Variants in HMCN1 observed in about 807,000 individuals in gnomAD.
HMCN1 encodes hemicentin 1, also known as hemicentin-1.
A neutral mutation model predicts 625.9 loss-of-function variants in HMCN1; 321 were observed. The observed-to-expected ratio is 0.51, with a 90% CI of 0.47 to 0.56. HMCN1 has a LOEUF of 0.56. HMCN1 is among the 20% of genes least tolerant of loss of function. The pLI, the probability that HMCN1 is intolerant of heterozygous loss-of-function variation, is 0.00. For synonymous variants in HMCN1, 2,425 were observed against 2,417.6 expected (o/e 1.00, Z -0.09); for missense variants, 6,588 against 6,887.3 (o/e 0.96, Z 1.54).
intron 1 of HMCN1, among the ~76,000 whole-genome samples, chr1:185,758,277 T>C (rs951255999): frequency 3.3e-5 from 5 of 152,306 alleles, no homozygotes; most frequent in South Asian, 2.1e-4. Flanking sequence ...TATTTAACTT[T>C]ATAGTGGATG....
At chr1:185,893,271 C>T (rs1188326708) in intron 4 of HMCN1, among the ~76,000 whole-genome samples, 1 of 152,204 alleles carries the variant, frequency 6.6e-6, no homozygotes, top group Non-Finnish European at 1.5e-5. Context: ...CACCCATCTT[C>T]TGCGTTGCTC....
intron 5 of HMCN1, among the ~76,000 whole-genome samples, chr1:185,910,145 T>C (rs1238694516): frequency 1.3e-5 from 2 of 152,176 alleles, no homozygotes; most frequent in African/African-American, 4.8e-5. Context: ...AAATATTTTT[T>C]ACCTAATATT....
At chr1:185,759,577 A>G (rs530628673) in intron 1 of HMCN1, among the ~76,000 whole-genome samples, 2 of 152,328 alleles carry the variant, frequency 1.3e-5, no homozygotes, top group East Asian at 3.9e-4. Context: ...CTTATTGCAA[A>G]TGCTTAAGTA....
intron 9 of HMCN1, among the ~76,000 whole-genome samples, chr1:185,927,545 C>T (rs1207749023): frequency 6.6e-6 from 1 of 152,120 alleles, no homozygotes; most frequent in Non-Finnish European, 1.5e-5. Context: ...CTTACAAACC[C>T]TAGTTGTACC....
chr1:186,041,256 C>G lies in HMCN1; in HGVS notation c.6304+120C>G, dbSNP rs1035677597. ...ACAATGAACCTTAGAAATGATATTA[C>G]AGGATCAATTCAAATCAAATTCTCT... On this transcript the variant is annotated intron_variant, in intron 40 of 106. Coordinates refer to ENST00000271588, the MANE Select transcript of HMCN1 (RefSeq NM_031935.3). 4.1e-5 allele frequency: 37 copies of G among 896,230 alleles called. No individual in the cohort carries two copies. The African/African-American group carries it at 5.8e-4, about 14-fold the overall frequency. The allele number at this position is 896,230 out of a possible 1,614,324, so 55.5% of individuals were successfully genotyped here.
At chr1:186,014,793 T>C (rs1405881657) in intron 30 of HMCN1, among the ~76,000 whole-genome samples, 1 of 152,154 alleles carries the variant, frequency 6.6e-6, no homozygotes, top group Admixed American at 6.6e-5. Context: ...TTGTACCACA[T>C]GTGACATTTT....
chr1:186,150,650 T>C (rs1284845025), intron 93 of HMCN1, among the ~76,000 whole-genome samples: 4 of 152,088 alleles, frequency 2.6e-5, no homozygotes, highest in Non-Finnish European at 5.9e-5. Flanking sequence ...GTCTCTCCTT[T>C]TCCTGGATGT....
At chr1:186,165,246 T>A in intron 98 of HMCN1, 73 bp downstream of exon 98, 4 of 1,250,148 alleles carry the variant, frequency 3.2e-6, no homozygotes, top group Non-Finnish European at 3.5e-6. Flanking sequence ...AATGGGTATC[T>A]ATTGCCCTTT....
At chr1:185,887,457 C>T (rs146842188) in intron 4 of HMCN1, among the ~76,000 whole-genome samples, 3 of 148,828 alleles carry the variant, frequency 2.0e-5, no homozygotes, top group Admixed American at 6.7e-5. Flanking sequence ...TCCCTCCCCC[C>T]TCCCCGCACC....
chr1:186,055,320 A>T (rs1657237676), intron 44 of HMCN1, 73 bp from the exon 45 acceptor site: 1 of 1,367,832 alleles, frequency 7.3e-7, no homozygotes, highest in Non-Finnish European at 1.0e-6. Context: ...AGTTTGGCTG[A>T]TGAAAATTCC....
chr1:186,127,334 T>G (rs1341543179), intron 82 of HMCN1, among the ~76,000 whole-genome samples: 1 of 152,082 alleles, frequency 6.6e-6, no homozygotes, highest in African/African-American at 2.4e-5. Flanking sequence ...CATCAGCATA[T>G]AGTTGATATT....
chr1:185,744,862 G>A (rs1054351379), intron 1 of HMCN1, among the ~76,000 whole-genome samples: 4 of 152,142 alleles, frequency 2.6e-5, no homozygotes, highest in Non-Finnish European at 5.9e-5. Flanking sequence ...ACATGATTGG[G>A]TTTTTATTTT....
At chr1:186,087,807 G>A (rs1659599973) in intron 60 of HMCN1, 125 bp from the exon 61 acceptor site, 2 of 1,143,704 alleles carry the variant, frequency 1.7e-6, no homozygotes, top group Non-Finnish European at 2.6e-6. Flanking sequence ...TAGCAAGATT[G>A]CAGAAGGCAA....
At chr1:185,793,859 A>G (rs944634008) in intron 1 of HMCN1, among the ~76,000 whole-genome samples, 2 of 152,182 alleles carry the variant, frequency 1.3e-5, no homozygotes, top group African/African-American at 2.4e-5. Flanking sequence ...GGAATGCCAT[A>G]TGCAGATGAA....
In HMCN1 at chr1:186,061,944, T is replaced by C. The variant is rs768271840; in HGVS notation, c.7406T>C (p.Ile2469Thr). The change falls in exon 47 of 107, where the codon ATC becomes ACC. Residue 2469 changes from isoleucine to threonine, a missense_variant. Coordinates refer to ENST00000271588, the MANE Select transcript of HMCN1 (RefSeq NM_031935.3). The part of the protein sequence containing the change: ...VRNAAGEERK[I>T]FGLSVLVPPH... ...AATGCAGCTGGTGAAGAAAGAAAAA[T>C]CTTTGGGCTTTCAGTATTAGGTACT... 4 of 1,609,310 alleles carry C rather than the reference T, an allele frequency of 2.5e-6. No homozygotes were observed. The Admixed American group carries it at 5.0e-5, about 20-fold the overall frequency.
chr1:185,963,846 A>G lies in HMCN1; in HGVS notation c.2049A>G (p.Ala683=). Residue 683 remains alanine (A), a synonymous_variant, in exon 13 of 107, where the codon GCA becomes GCG. Transcript: ENST00000271588. The part of the protein sequence containing the change: ...PKDAGIYGCL[A]SNSAGTDKQN... ...ATGCAGGGATCTATGGTTGCCTAGC[A>G]AGTAATTCAGCTGGAACAGATAAAC... The G allele has an allele frequency of 3.1e-6, 5 of 1,612,210 alleles. No individual in the cohort carries two copies. Among genetic ancestry groups the G allele is most frequent in the South Asian group, 1.1e-5 (1 of 91,058 alleles).
chr1:186,141,505 T>G (rs1244253723), intron 89 of HMCN1, among the ~76,000 whole-genome samples: 1 of 152,204 alleles, frequency 6.6e-6, no homozygotes, highest in Non-Finnish European at 1.5e-5. Flanking sequence ...ACTGCAAATC[T>G]TTTTTAAGAT....
intron 83 of HMCN1, 28 bp downstream of exon 83, chr1:186,128,319 A>C (rs1363694885): frequency 1.9e-6 from 3 of 1,543,322 alleles, no homozygotes; most frequent in Admixed American, 1.7e-5. Context: ...CAAGAAGTGA[A>C]TAAATACACC....
chr1:185,822,969 T>G, intron 1 of HMCN1, among the ~76,000 whole-genome samples: 1 of 152,272 alleles, frequency 6.6e-6, no homozygotes, highest in South Asian at 2.1e-4. Context: ...CTGTTAAAAT[T>G]TGATATATTT....
Sources: allele counts gnomAD v4.1 joint callset (sites outside exome capture counted in the v4.1 genomes callset), GRCh38; gene constraint gnomAD v4.1.1; transcripts MANE v1.5; gene names NCBI Gene and HGNC (gene_info 2026-07-23, HGNC 2026-07-21).